CACNA1B: variants seen among roughly 807,000 people sequenced by gnomAD.
The protein encoded by CACNA1B is voltage-dependent N-type calcium channel subunit alpha-1B.
Under a neutral mutation model 247.2 loss-of-function variants are expected in CACNA1B, and 70 were observed. That is an observed-to-expected ratio of 0.28 (90% confidence interval 0.23 to 0.35). CACNA1B has a LOEUF of 0.35. Among genes scored for constraint, CACNA1B ranks in the 10% least tolerant of loss-of-function variants. The pLI is 1.00. For synonymous variants in CACNA1B, 1,231 were observed against 1,294.4 expected (o/e 0.95, Z 1.05); for missense variants, 2,367 against 3,197.4 (o/e 0.74, Z 6.26).
chr9:138,017,346 G>T, intron 18 of CACNA1B: 2 of 426,322 alleles, frequency 4.7e-6, no homozygotes, highest in South Asian at 1.7e-5. Flanking sequence ...GGCCTGAGCG[G>T]GGAATGGTGG....
intron 6 of CACNA1B, among the ~76,000 whole-genome samples, chr9:137,945,236 G>A (rs1957781518): frequency 6.6e-6 from 1 of 152,244 alleles, no homozygotes; most frequent in Admixed American, 6.5e-5. Flanking sequence ...TCCAGTGGTT[G>A]ATGATGCAGC....
At chr9:138,094,499 A>G (rs536533134) in intron 36 of CACNA1B, among the ~76,000 whole-genome samples, 1 of 151,918 alleles carries the variant, frequency 6.6e-6, no homozygotes, top group South Asian at 2.1e-4. Context: ...CTTCTCCCAA[A>G]TATACAAGAG....
rs9776453 is a variant in CACNA1B at position 137,888,485 on chromosome 9, C to A, written c.530+5602C>A. The stretch of plus-strand genomic sequence containing the variant: ...GTCCCCACCCCTGTTGTGGCTCCAG[C>A]CTGGTGCTACCCTCCATGGCCCTTG... On this transcript the variant is annotated intron_variant, in intron 3 of 46. Coordinates refer to ENST00000371372, the MANE Select transcript of CACNA1B (RefSeq NM_000718.4). The surrounding 1 kb of genome is among the most constrained non-coding windows in gnomAD (Gnocchi z 4.7). Among the ~76,000 whole-genome samples, 1 of 152,178 alleles carries A rather than the reference C, an allele frequency of 6.6e-6. No individual in the cohort carries two copies. Among genetic ancestry groups the A allele is most frequent in the Non-Finnish European group, 1.5e-5 (1 of 68,012 alleles).
chr9:138,075,672 C>A (rs1378242022), intron 34 of CACNA1B, 147 bp from the exon 35 acceptor site: 1 of 621,478 alleles, frequency 1.6e-6, no homozygotes, highest in East Asian at 2.8e-5. Context: ...ACACTGGCCT[C>A]TCCCGGGTGG....
At chr9:138,008,743 G>T (rs925600280) in intron 16 of CACNA1B, among the ~76,000 whole-genome samples, 5 of 152,236 alleles carry the variant, frequency 3.3e-5, no homozygotes, top group South Asian at 4.1e-4. Flanking sequence ...GGAGTGCAAG[G>T]TTCTAACGGG....
At chr9:138,041,379 T>C (rs1324760228) in intron 20 of CACNA1B, among the ~76,000 whole-genome samples, 1 of 152,170 alleles carries the variant, frequency 6.6e-6, no homozygotes, top group Non-Finnish European at 1.5e-5. Context: ...TGGCTGTTTT[T>C]AGTGAAAGCT....
At chr9:137,929,029 C>G (rs987147206) in intron 6 of CACNA1B, among the ~76,000 whole-genome samples, 1 of 152,160 alleles carries the variant, frequency 6.6e-6, no homozygotes, top group Non-Finnish European at 1.5e-5. Context: ...AAAATTATGA[C>G]TAATGCTGCT....
chr9:137,925,842 A>T lies in CACNA1B; in HGVS notation c.966+8411A>T, dbSNP rs977107805. Among the ~76,000 whole-genome samples, 102 of 147,472 alleles carry T rather than the reference A, an allele frequency of 6.9e-4. 2 individuals carry two copies. Among genetic ancestry groups the T allele is most frequent in the Non-Finnish European group, 2.1e-4 (14 of 67,394 alleles). On this transcript the variant is annotated intron_variant, in intron 6 of 46. Transcript: ENST00000371372. ...ACTGCAAGCTCCCCCTCCCAGGTTC[A>T]TGCCATTCTCCTACCTCAGCCTCCG... is the stretch of plus-strand genomic sequence containing the variant.
rs528458314 is a variant in CACNA1B at position 137,900,158 on chromosome 9, G to A, written c.531-13022G>A. 1.6e-4 allele frequency among the ~76,000 whole-genome samples: 24 copies of A among 152,346 alleles called. No homozygotes were observed. In the South Asian group the frequency reaches 3.5e-3, roughly 22 times the overall value. ...GGGTGTGCCCCAGAAGCTCCTCACA[G>A]ACGGCTGTGGAAAGGCAGGGTGCCC... On this transcript the variant is annotated intron_variant, in intron 3 of 46. Transcript: ENST00000371372.
chr9:138,038,308 G>A (rs186863700), intron 20 of CACNA1B, among the ~76,000 whole-genome samples: 6 of 152,236 alleles, frequency 3.9e-5, no homozygotes, highest in African/African-American at 7.2e-5. Context: ...TCTGGTTTTC[G>A]TCTATGACAG....
In CACNA1B at chr9:137,878,144, G is replaced by A. The variant is rs376286287; in HGVS notation, c.211G>A (p.Val71Ile). 21 of 1,310,694 alleles carry A rather than the reference G, an allele frequency of 1.6e-5. No homozygotes were observed. The highest frequency in any genetic ancestry group is 2.0e-5 in the Non-Finnish European group (21 of 1,024,732). 81.2% of individuals were successfully genotyped at this position (1,310,694 alleles called of 1,614,324 possible). Residue 71 changes from valine to isoleucine, a missense_variant, in exon 1 of 47, where the codon GTC (valine) becomes ATC (isoleucine). By Grantham distance (29) the Val-to-Ile change is conservative. Around this residue, in one of 12 missense-constraint regions of CACNA1B, gnomAD observed 130 missense variants for 338.7 expected, o/e 0.38. Coordinates refer to ENST00000371372, the MANE Select transcript of CACNA1B (RefSeq NM_000718.4). Reference sequence around the variant, plus strand: ...CCCGGTCAAGCAGAACTGCTTCACCGTCAACCGCTCGCTCTTCGTCTTCAG... The same window carrying A: ...CCCGGTCAAGCAGAACTGCTTCACCATCAACCGCTCGCTCTTCGTCTTCAG... ...PIPVKQNCFT[V>I]NRSLFVFSED...
chr9:138,114,340 C>T (rs200803711), intron 40 of CACNA1B, 38 bp from the exon 41 acceptor site: 12 of 1,027,180 alleles, frequency 1.2e-5, no homozygotes, highest in Non-Finnish European at 1.8e-5. Flanking sequence ...GATCCTCTGC[C>T]CCCTTCTCCG....
At chr9:138,022,809 G>A (rs115443320) in intron 18 of CACNA1B, among the ~76,000 whole-genome samples, 12 of 140,702 alleles carry the variant, frequency 8.5e-5, no homozygotes, top group Admixed American at 7.0e-4. Context: ...ACACCGTGGG[G>A]GGGGGGGGCG....
At chr9:137,998,684 A>T (rs1318801825) in intron 15 of CACNA1B, among the ~76,000 whole-genome samples, 2 of 152,234 alleles carry the variant, frequency 1.3e-5, no homozygotes, top group Non-Finnish European at 2.9e-5. Flanking sequence ...ATATTACATG[A>T]TGAAAAGAGG....
intron 20 of CACNA1B, among the ~76,000 whole-genome samples, chr9:138,033,475 C>G (rs1038869341): frequency 1.3e-5 from 2 of 152,178 alleles, no homozygotes; most frequent in South Asian, 4.2e-4. Context: ...AACCTAGACT[C>G]TCAGTGGTAT....
chr9:138,053,121 G>C (rs994030853), intron 25 of CACNA1B, among the ~76,000 whole-genome samples: 8 of 152,242 alleles, frequency 5.3e-5, no homozygotes, highest in African/African-American at 1.9e-4. Context: ...TTTATCCTCA[G>C]TTTGCCCAAA....
intron 31 of CACNA1B, chr9:138,068,486 G>A (rs1960007513): frequency 2.2e-6 from 1 of 453,092 alleles, no homozygotes. Flanking sequence ...CCTAGCACTG[G>A]TGTTGTGTTT....
At position 137,951,056 on chromosome 9, in the gene CACNA1B, C is replaced by G. The variant is rs1206013205; in HGVS notation, c.967-1218C>G. Among the ~76,000 whole-genome samples, 5 of 152,294 alleles carry G rather than the reference C, an allele frequency of 3.3e-5. 1 individual carries two copies. Among genetic ancestry groups the G allele is most frequent in the African/African-American group, 1.2e-4 (5 of 41,556 alleles). On this transcript the variant is annotated intron_variant, in intron 6 of 46. Transcript: ENST00000371372. ...GCTGAGGCTACAGCAGCGATATCTC[C>G]TTTTTCTCAAGAAGGGAGGACAGGT...
chr9:138,062,877 T>C (rs1449694493), intron 31 of CACNA1B, among the ~76,000 whole-genome samples: 1 of 152,216 alleles, frequency 6.6e-6, no homozygotes, highest in Non-Finnish European at 1.5e-5. Context: ...GTCACAGCAG[T>C]ATTTCCTAAG....
Sources: allele counts gnomAD v4.1 joint callset (sites outside exome capture counted in the v4.1 genomes callset), GRCh38; gene constraint gnomAD v4.1.1; regional missense constraint gnomAD v4.1.1; non-coding constraint Gnocchi (gnomAD v3.1); transcripts MANE v1.5; gene names NCBI Gene and HGNC (gene_info 2026-07-23, HGNC 2026-07-21).